ISM1: variants seen among roughly 807,000 people sequenced by gnomAD.
ISM1 encodes the protein isthmin-1.
Under a neutral mutation model 46.3 loss-of-function variants are expected in ISM1, and 25 were observed. The ratio of observed to expected loss-of-function variants is 0.54; its 90% confidence interval spans 0.39 to 0.75. The LOEUF (loss-of-function observed/expected upper bound fraction) is 0.75. Among genes scored for constraint, ISM1 ranks in the 30% least tolerant of loss-of-function variants. The probability of loss-of-function intolerance (pLI) is 0.00; values close to 1 mark genes in which losing one functional copy is unlikely to be tolerated. For synonymous variants in ISM1, 255 were observed against 256.7 expected (o/e 0.99, Z 0.06); for missense variants, 536 against 625.4 (o/e 0.86, Z 1.52).
chr20:13,305,217 A>C (rs1030116721), downstream of ISM1, among the ~76,000 whole-genome samples: 1 of 139,792 alleles, frequency 7.2e-6, no homozygotes, highest in Non-Finnish European at 1.6e-5. Context: ...AAAAAAAAAA[A>C]AACCCTTAAT....
At chr20:13,280,488 G>A (rs193030765) in intron 3 of ISM1, among the ~76,000 whole-genome samples, 98 of 151,968 alleles carry the variant, frequency 6.4e-4, no homozygotes, top group Non-Finnish European at 5.6e-4. Context: ...TCCAAATTCA[G>A]TGAGTTAAAA....
the ISM1 span, among the ~76,000 whole-genome samples, chr20:13,320,889 T>G: frequency 1.3e-5 from 2 of 152,244 alleles, no homozygotes; most frequent in Middle Eastern, 3.4e-3. Flanking sequence ...GTGAGTTGCA[T>G]GAGGTGATGG....
intron 1 of ISM1, among the ~76,000 whole-genome samples, chr20:13,269,352 C>T (rs2040084219): frequency 6.6e-6 from 1 of 152,132 alleles, no homozygotes; most frequent in Admixed American, 6.5e-5. Flanking sequence ...AGAAATTTCC[C>T]CATAGTGATA....
the ISM1 span, among the ~76,000 whole-genome samples, chr20:13,325,789 T>C: frequency 3.0e-3 from 462 of 152,338 alleles, 2 homozygotes; most frequent in African/African-American, 0.01. Flanking sequence ...GAACTGACTC[T>C]TAACAGAAAA....
At chr20:13,243,697 A>C (rs2039759017) in intron 1 of ISM1, among the ~76,000 whole-genome samples, 3 of 152,196 alleles carry the variant, frequency 2.0e-5, no homozygotes, top group Admixed American at 2.0e-4. Flanking sequence ...CTAGGGAAGA[A>C]ATTAAGCATG....
the ISM1 span, among the ~76,000 whole-genome samples, chr20:13,323,437 T>C: frequency 1.3e-5 from 2 of 152,146 alleles, no homozygotes; most frequent in African/African-American, 4.8e-5. Flanking sequence ...ACCCAGTGTG[T>C]TACCAAAGAG....
At position 13,221,724 on chromosome 20, in the gene ISM1, CGCCGCCGCCGCCG is replaced by C; in HGVS notation, c.-44_-32del. ...CCTACTCCTCCTCCCCCGGCGTCACCGCCGCCGCCGCCGGCCGCCGCGCCGGGTCCTAAAGCCG... is the reference window on the plus strand; with the variant it reads ...CCTACTCCTCCTCCCCCGGCGTCACCGCCGCCGCGCCGGGTCCTAAAGCCG... On this transcript the variant is annotated 5_prime_UTR_variant, in exon 1 of 6. An upstream open reading frame in the 5' UTR loses its in-frame stop. Transcript: ENST00000262487. 2 of 1,274,686 alleles carry C rather than the reference CGCCGCCGCCGCCG, an allele frequency of 1.6e-6. No individual in the cohort carries two copies. The highest frequency in any genetic ancestry group is 2.0e-6 in the Non-Finnish European group (2 of 1,001,362). The allele number at this position is 1,274,686 out of a possible 1,614,324, so 79.0% of individuals were successfully genotyped here. A position where few individuals can be genotyped will look rare whatever the true frequency, so the allele number is the denominator to read the frequency against.
In ISM1 at chr20:13,299,309, C is replaced by G; in HGVS notation, c.1245C>G (p.His415Gln). Residue 415 changes from histidine (H) to glutamine (Q), a missense_variant, in exon 6 of 6, where the codon CAC becomes CAG. His to Gln is a conservative substitution (Grantham distance 24). Coordinates refer to ENST00000262487, the MANE Select transcript of ISM1 (RefSeq NM_080826.2). This position sits in a 1 kb window ranked among gnomAD's most constrained non-coding sequence, Gnocchi z 5.8. ...LISTEFSAEL[H>Q]YKVDVLPWII... ...GCACCGAGTTCTCCGCGGAGCTCCA[C>G]TACAAGGTGGACGTCCTGCCCTGGA... 6.2e-7 allele frequency: 1 copy of G among 1,613,832 alleles called. No homozygotes were observed. The highest frequency in any genetic ancestry group is 8.5e-7 in the Non-Finnish European group (1 of 1,179,796).
At chr20:13,281,601 T>C (rs1227095178) in intron 3 of ISM1, among the ~76,000 whole-genome samples, 10 of 152,286 alleles carry the variant, frequency 6.6e-5, no homozygotes, top group Admixed American at 5.9e-4. Flanking sequence ...GCAGTCTGGG[T>C]CCAGAATCTG....
chr20:13,251,292 A>C (rs2039865781), intron 1 of ISM1, among the ~76,000 whole-genome samples: 10 of 152,190 alleles, frequency 6.6e-5, no homozygotes, highest in Admixed American at 6.5e-4. Flanking sequence ...GGCAGTGGAT[A>C]AGTCAGCTTT....
rs542378606 is a variant in ISM1, at chr20:13,257,055, A to G, written c.139-13449A>G. Among the ~76,000 whole-genome samples, 9 of 152,212 alleles carry G rather than the reference A, an allele frequency of 5.9e-5. No homozygotes were observed. In the South Asian group the frequency reaches 1.9e-3, roughly 32 times the overall value. ...AGAGAATAATAAAGAGGAGAAAAGA[A>G]GTGTTTTTACCACACAGATGCTACC... On this transcript the variant is annotated intron_variant, in intron 1 of 5. Transcript: ENST00000262487.
intron 1 of ISM1, among the ~76,000 whole-genome samples, chr20:13,257,812 G>A (rs1201507670): frequency 6.6e-6 from 1 of 152,114 alleles, no homozygotes; most frequent in South Asian, 2.1e-4. Context: ...GTGTTCTTGA[G>A]CCAGTCCTCT....
At chr20:13,305,154 G>A (rs1212382737), downstream of ISM1, among the ~76,000 whole-genome samples, 1 of 148,154 alleles carries the variant, frequency 6.7e-6, no homozygotes, top group Admixed American at 6.8e-5. Context: ...ATCTCATTCT[G>A]GCCAGAGACA....
At chr20:13,294,295 C>T (rs1273642055) in intron 5 of ISM1, among the ~76,000 whole-genome samples, 1 of 152,196 alleles carries the variant, frequency 6.6e-6, no homozygotes, top group Non-Finnish European at 1.5e-5. Flanking sequence ...AGGGCCTCTA[C>T]CTCATCCCTC....
At chr20:13,279,168 G>A (rs1162585356) in intron 2 of ISM1, among the ~76,000 whole-genome samples, 1 of 152,168 alleles carries the variant, frequency 6.6e-6, no homozygotes, top group Non-Finnish European at 1.5e-5. Flanking sequence ...TTAGGATAGT[G>A]CCTGGTACAG....
intron 1 of ISM1, among the ~76,000 whole-genome samples, chr20:13,248,187 G>A (rs532513985): frequency 6.6e-6 from 1 of 152,294 alleles, no homozygotes; most frequent in East Asian, 1.9e-4. Flanking sequence ...CAAATTGTCA[G>A]ATATTCTTAT....
chr20:13,309,111 A>C, the ISM1 span, among the ~76,000 whole-genome samples: 1 of 152,182 alleles, frequency 6.6e-6, no homozygotes, highest in Non-Finnish European at 1.5e-5. Flanking sequence ...AATTTTAATA[A>C]TTTAAAACTC....
chr20:13,231,238 G>C (rs73091475), intron 1 of ISM1, among the ~76,000 whole-genome samples: 7,213 of 152,252 alleles, frequency 0.047, 254 homozygotes, highest in Non-Finnish European at 0.074. Flanking sequence ...GCCCCTGCTT[G>C]TTGTTGTCAT....
At chr20:13,241,490 T>C (rs2039722490) in intron 1 of ISM1, among the ~76,000 whole-genome samples, 1 of 152,084 alleles carries the variant, frequency 6.6e-6, no homozygotes, top group Admixed American at 6.5e-5. Context: ...TGTGTGAGCA[T>C]TGGCCTTTCA....
Sources: gnomAD v4.1 joint callset for allele counts (sites outside exome capture counted in the v4.1 genomes callset) on GRCh38, gnomAD v4.1.1 for gene constraint, Gnocchi (gnomAD v3.1) non-coding constraint, MANE v1.5 for transcripts, NCBI Gene and HGNC (gene_info 2026-07-23, HGNC 2026-07-21) for gene names.